Variants in ATP7A observed in about 807,000 individuals in gnomAD.
The protein encoded by ATP7A is ATPase copper transporting alpha.
In ATP7A, 7 loss-of-function variants were observed where a neutral mutation model predicts 83.5. The observed-to-expected ratio is 0.08, with a 90% CI of 0.05 to 0.16. The LOEUF (loss-of-function observed/expected upper bound fraction) is 0.16, where lower values mean the gene tolerates loss of function less well. Ranked by LOEUF, ATP7A falls within the 10% of genes least tolerant of loss-of-function variation. The pLI is 1.00. For missense variants in ATP7A, 940 were observed against 1,120.8 expected (o/e 0.84, Z 2.30); for synonymous variants, 354 against 395.2 (o/e 0.90, Z 1.24).
chrX:78,021,091 G>GTA lies in ATP7A; in HGVS notation c.2916+13_2916+14dup, dbSNP rs781913794. 1 of 1,194,203 alleles carries GTA rather than the reference G, an allele frequency of 8.4e-7. No individual in the cohort carries two copies. The highest frequency in any genetic ancestry group is 1.8e-5 in the South Asian group (1 of 56,630). On this transcript the variant is annotated intron_variant, in intron 14 of 22. Transcript: ENST00000341514. ...AAACCTACTTTCCTGTAAGTGACTT[G>GTA]TAATAACTCGTTACTATATGCAGAA... is the stretch of plus-strand genomic sequence containing the variant.
In ATP7A at chrX:78,033,532, G is replaced by T. The variant is rs782118627; in HGVS notation, c.3295-73G>T. On this transcript the variant is annotated intron_variant, in intron 16 of 22. Transcript: ENST00000341514. The stretch of plus-strand genomic sequence containing the variant: ...TATAAACATTTAGAATTAACTAGGG[G>T]TTTTTATCTTGCTAATGAATGACCT... 9.8e-6 allele frequency: 10 copies of T among 1,016,906 alleles called. No homozygotes were observed. In the Admixed American group the frequency reaches 1.8e-4, roughly 18 times the overall value. 83.8% of individuals were successfully genotyped at this position (1,016,906 alleles called of 1,213,427 possible). A position where few individuals can be genotyped will look rare whatever the true frequency, so the allele number is the denominator to read the frequency against.
intron 6 of ATP7A, among the ~76,000 whole-genome samples, chrX:78,007,717 A>G (rs1557233902): frequency 8.9e-6 from 1 of 112,143 alleles, no homozygotes; most frequent in Non-Finnish European, 1.9e-5. Context: ...CTTATCTGAT[A>G]TATGATTTTA....
intron 1 of ATP7A, among the ~76,000 whole-genome samples, chrX:77,931,846 C>T (rs1330851706): frequency 7.2e-5 from 6 of 83,016 alleles, no homozygotes; most frequent in African/African-American, 1.4e-4. Context: ...CCCTCCCGGA[C>T]GGGGCGGCTG....
At chrX:77,977,588 G>A (rs145016887) in intron 2 of ATP7A, among the ~76,000 whole-genome samples, 1,871 of 112,394 alleles carry the variant, frequency 0.017, 14 homozygotes, top group Middle Eastern at 0.064. Flanking sequence ...CAGCCTGTTT[G>A]CATCACACTC....
intron 14 of ATP7A, among the ~76,000 whole-genome samples, chrX:78,025,359 C>T (rs1403711620): frequency 1.8e-5 from 2 of 112,163 alleles, no homozygotes; most frequent in Non-Finnish European, 3.8e-5. Flanking sequence ...CACCGCCAAA[C>T]GATTGTAATA....
At chrX:78,011,919 T>C (rs1014748758) in intron 9 of ATP7A, 33 of 214,859 alleles carry the variant, frequency 1.5e-4, no homozygotes, top group Non-Finnish European at 2.3e-4. Context: ...TATATAACTT[T>C]ATTTTATTTT....
chrX:78,041,434 C>T (rs1297510915), intron 19 of ATP7A, among the ~76,000 whole-genome samples: 1 of 109,250 alleles, frequency 9.2e-6, no homozygotes, highest in Admixed American at 9.8e-5. Context: ...CACCACCACG[C>T]CCGGCTAATT....
chrX:77,917,918 A>G (rs2077192819), intron 1 of ATP7A, among the ~76,000 whole-genome samples: 1 of 111,923 alleles, frequency 8.9e-6, no homozygotes, highest in African/African-American at 3.2e-5. Context: ...ATTGTTTGTA[A>G]CCTGTGTTAG....
chrX:78,021,146 C>T, intron 14 of ATP7A, 67 bp downstream of exon 14: 1 of 1,061,486 alleles, frequency 9.4e-7, no homozygotes, highest in Non-Finnish European at 1.3e-6. Context: ...ATTAGTAATT[C>T]ATTGGAAATA....
At chrX:77,961,400 C>A (rs2077473779) in intron 1 of ATP7A, among the ~76,000 whole-genome samples, 1 of 111,740 alleles carries the variant, frequency 8.9e-6, no homozygotes, top group East Asian at 2.8e-4. Context: ...CCTTCACCTA[C>A]CAAAGGTATT....
At chrX:78,021,191 A>C in intron 14 of ATP7A, 112 bp downstream of exon 14, 1 of 820,481 alleles carries the variant, frequency 1.2e-6, no homozygotes, top group Admixed American at 2.7e-5. Flanking sequence ...AAAGGTTTGG[A>C]GTGGGAGAGT....
At chrX:78,016,996 G>C (rs2077869235) in intron 12 of ATP7A, among the ~76,000 whole-genome samples, 1 of 112,538 alleles carries the variant, frequency 8.9e-6, no homozygotes, top group African/African-American at 3.2e-5. Flanking sequence ...CTGTGTGGGG[G>C]CTCTAAACTT....
rs1170740702 is a variant in ATP7A, at chrX:78,025,795, G to GA, written c.2917-3445dup. 3.2e-4 allele frequency among the ~76,000 whole-genome samples: 34 copies of GA among 105,813 alleles called. 1 individual carries two copies. Among genetic ancestry groups the GA allele is most frequent in the African/African-American group, 5.5e-4 (16 of 29,281 alleles). 91.9% of individuals were successfully genotyped at this position (105,813 alleles called of 115,157 possible). A position where few individuals can be genotyped will look rare whatever the true frequency, so the allele number is the denominator to read the frequency against. On this transcript the variant is annotated intron_variant, in intron 14 of 22. Transcript: ENST00000341514. ...AGAGCCTATTTTTAGTTTCCCTAAA[G>GA]AAAAAAAAAACTGGCAACCAGGAAT...
At chrX:77,944,607 A>T (rs1557225980) in intron 1 of ATP7A, among the ~76,000 whole-genome samples, 1 of 108,832 alleles carries the variant, frequency 9.2e-6, no homozygotes, top group Non-Finnish European at 1.9e-5. Context: ...AATTTTTTTT[A>T]AAAAGTTTAT....
intron 18 of ATP7A, 133 bp from the exon 19 acceptor site, chrX:78,040,458 A>G (rs2078040325): frequency 1.3e-6 from 1 of 775,502 alleles, no homozygotes; most frequent in Non-Finnish European, 1.9e-6. Flanking sequence ...GGGCTTAGAG[A>G]TATTTTAAGT....
rs2078079038 is a variant in ATP7A, at chrX:78,045,702, G to A, written c.4226+130G>A. 1.2e-5 allele frequency: 8 copies of A among 682,036 alleles called. No individual in the cohort carries two copies. In the South Asian group the frequency reaches 1.3e-4, roughly 11 times the overall value. The allele number at this position is 682,036 out of a possible 1,213,427, so 56.2% of individuals were successfully genotyped here. A position where few individuals can be genotyped will look rare whatever the true frequency, so the allele number is the denominator to read the frequency against. On this transcript the variant is annotated intron_variant, in intron 22 of 22. Transcript: ENST00000341514. Reference sequence around the variant, plus strand: ...TTCTTAATGAGAATTATTATTAGCGGCCGGGCGTGGTGGCTCACACCTGTA... The same window carrying A: ...TTCTTAATGAGAATTATTATTAGCGACCGGGCGTGGTGGCTCACACCTGTA...
chrX:77,995,981 G>C (rs1472121272), intron 4 of ATP7A, among the ~76,000 whole-genome samples: 1 of 111,555 alleles, frequency 9.0e-6, no homozygotes, highest in African/African-American at 3.3e-5. Context: ...TCCTGATCTT[G>C]TGATCCACCC....
intron 1 of ATP7A, among the ~76,000 whole-genome samples, chrX:77,931,006 T>A (rs200811999): frequency 7.8e-5 from 1 of 12,837 alleles, no homozygotes; most frequent in South Asian, 8.3e-3. Context: ...TTTTTTTTTT[T>A]ACCTTTTTTT....
In ATP7A at chrX:78,033,686, A is replaced by G; in HGVS notation, c.3376A>G (p.Ile1126Val). 8.3e-7 allele frequency: 1 copy of G among 1,211,000 alleles called. No individual in the cohort carries two copies. Among genetic ancestry groups the G allele is most frequent in the Non-Finnish European group, 1.1e-6 (1 of 894,958 alleles). Residue 1126 changes from isoleucine (I) to valine (V), a missense_variant, in exon 17 of 23, where the codon ATT (isoleucine) becomes GTT (valine). Physicochemically the swap from Ile to Val is conservative, Grantham distance 29. Around this residue, in one of 3 missense-constraint regions of ATP7A, gnomAD observed 386 missense variants for 502.2 expected, o/e 0.77. Coordinates refer to ENST00000341514, the MANE Select transcript of ATP7A (RefSeq NM_000052.7). Reference protein sequence around the residue: ...GCGISCKVTNIEGLLHKNNWN... With the variant: ...GCGISCKVTNVEGLLHKNNWN... The stretch of plus-strand genomic sequence containing the variant: ...TGGTATTAGCTGTAAAGTCACCAAT[A>G]TTGAAGGCTTGCTACATAAGAATAA...
Sources: gnomAD v4.1 joint callset for allele counts (sites outside exome capture counted in the v4.1 genomes callset) on GRCh38, gnomAD v4.1.1 for gene constraint, gnomAD v4.1.1 regional missense constraint, MANE v1.5 for transcripts, NCBI Gene and HGNC (gene_info 2026-07-23, HGNC 2026-07-21) for gene names.